Variants in MAP4K4 observed in about 807,000 individuals in gnomAD.
The protein encoded by MAP4K4 is HPK/GCK-like kinase HGK.
In MAP4K4, 38 loss-of-function variants were observed where a neutral mutation model predicts 189.6. That is an observed-to-expected ratio of 0.20 (90% CI 0.15 to 0.26). MAP4K4 has a LOEUF of 0.26. MAP4K4 is among the 10% of genes least tolerant of loss of function. The pLI, the probability that MAP4K4 is intolerant of heterozygous loss-of-function variation, is 1.00. For missense variants in MAP4K4, 1,054 were observed against 1,726.9 expected (o/e 0.61, Z 6.91); for synonymous variants, 610 against 624.3 (o/e 0.98, Z 0.34).
At chr2:101,839,697 A>T (rs1482104084) in intron 9 of MAP4K4, 122 bp from the exon 10 acceptor site, 15 of 710,818 alleles carry the variant, frequency 2.1e-5, no homozygotes, top group Non-Finnish European at 3.5e-5. Context: ...ATTCCTATGC[A>T]TTTGCAGAAT....
rs568180092 is a variant in MAP4K4 at position 101,819,647 on chromosome 2, G to A, written c.181-4281G>A. On this transcript the variant is annotated intron_variant, in intron 3 of 32. Transcript: ENST00000324219. ...TTGTAGTTATTTTTGTATGCTTCCA[G>A]GATTTGACTATTTCAGACCTGGGAA... Among the ~76,000 whole-genome samples, 6 of 152,284 alleles carry A rather than the reference G, an allele frequency of 3.9e-5. No individual in the cohort carries two copies. The South Asian group carries it at 1.2e-3, about 32-fold the overall frequency.
At chr2:101,857,607 C>T (rs2149800239) in intron 13 of MAP4K4, among the ~76,000 whole-genome samples, 1 of 152,270 alleles carries the variant, frequency 6.6e-6, no homozygotes, top group African/African-American at 2.4e-5. Flanking sequence ...GTAGGTATTG[C>T]TGTAGCATGT....
exon 13 of MAP4K4, chr2:101,856,121 A>G (rs1349910399): frequency 6.4e-7 from 1 of 1,551,244 alleles, no homozygotes; most frequent in Non-Finnish European, 8.7e-7. Context: ...AGAAAAGAGG[A>G]GAGTTGAAAG....
chr2:101,794,311 A>C (rs774517026), intron 3 of MAP4K4, among the ~76,000 whole-genome samples: 64 of 152,236 alleles, frequency 4.2e-4, no homozygotes, highest in Non-Finnish European at 5.7e-4. Context: ...TTATAACTTA[A>C]GTACATGCAC....
intron 2 of MAP4K4, among the ~76,000 whole-genome samples, chr2:101,733,934 G>T (rs1008157639): frequency 6.6e-6 from 1 of 152,164 alleles, no homozygotes; most frequent in Non-Finnish European, 1.5e-5. Flanking sequence ...CCACAGCCTG[G>T]CCACAGCAGT....
chr2:101,797,736 T>C lies in MAP4K4; in HGVS notation c.180+6960T>C, dbSNP rs2093873312. Among the ~76,000 whole-genome samples, 5 of 152,106 alleles carry C rather than the reference T, an allele frequency of 3.3e-5. No homozygotes were observed. The South Asian group carries it at 1.0e-3, about 32-fold the overall frequency. Reference sequence around the variant, plus strand: ...GCTCTTAAAATCAGTTAAAATCAACTACATTTTATTTAATTATTGATTTAT... The same window carrying C: ...GCTCTTAAAATCAGTTAAAATCAACCACATTTTATTTAATTATTGATTTAT... On this transcript the variant is annotated intron_variant, in intron 3 of 32. Coordinates refer to ENST00000324219, the Ensembl canonical transcript of MAP4K4.
intron 24 of MAP4K4, among the ~76,000 whole-genome samples, chr2:101,872,643 C>T (rs2098078991): frequency 4.6e-5 from 7 of 152,166 alleles, no homozygotes; most frequent in Admixed American, 4.6e-4. Context: ...ACAGGCTTGG[C>T]ATCGGCTAGA....
chr2:101,829,461 T>C (rs776569328), intron 5 of MAP4K4, 43 bp from the exon 6 acceptor site: 3 of 1,331,548 alleles, frequency 2.3e-6, no homozygotes, highest in Admixed American at 1.9e-5. Context: ...TGTTTACTTA[T>C]AGTCACAGAA....
chr2:101,886,468 GT>G (rs2098483781), intron 29 of MAP4K4, among the ~76,000 whole-genome samples: 2 of 152,188 alleles, frequency 1.3e-5, no homozygotes, highest in African/African-American at 4.8e-5. Flanking sequence ...CATTTGAATA[GT>G]TGAGTAGCAT....
chr2:101,878,292 C>A (rs376995903), intron 27 of MAP4K4, among the ~76,000 whole-genome samples: 1 of 152,152 alleles, frequency 6.6e-6, no homozygotes, highest in Non-Finnish European at 1.5e-5. Flanking sequence ...CACCCAAGTA[C>A]TAACTATAAC....
In MAP4K4 at chr2:101,743,140, G is replaced by C. The variant is rs537918603; in HGVS notation, c.123+44602G>C. 2.0e-5 allele frequency among the ~76,000 whole-genome samples: 3 copies of C among 152,234 alleles called. No homozygotes were observed. The East Asian group carries it at 5.8e-4, about 29-fold the overall frequency. ...GTTAGGGATGTGTGAGCAGAAGGTAGGTTAACCACATGTTAACATACCTTG... is the reference window on the plus strand; with the variant it reads ...GTTAGGGATGTGTGAGCAGAAGGTACGTTAACCACATGTTAACATACCTTG... On this transcript the variant is annotated intron_variant, in intron 2 of 32. Transcript: ENST00000324219.
chr2:101,828,205 G>T (rs866833615), intron 5 of MAP4K4, among the ~76,000 whole-genome samples: 12 of 152,166 alleles, frequency 7.9e-5, no homozygotes, highest in African/African-American at 2.9e-4. Context: ...GACAAGATGT[G>T]GGTGCTTATG....
intron 2 of MAP4K4, among the ~76,000 whole-genome samples, chr2:101,785,900 C>G (rs1469523226): frequency 6.6e-6 from 1 of 151,996 alleles, no homozygotes; most frequent in Non-Finnish European, 1.5e-5. Flanking sequence ...TCTTGGCTCA[C>G]TGCAACCTCT....
chr2:101,856,912 G>A (rs1003122332), intron 13 of MAP4K4, among the ~76,000 whole-genome samples: 3 of 152,142 alleles, frequency 2.0e-5, no homozygotes, highest in African/African-American at 7.2e-5. Flanking sequence ...TTCAGCTGCC[G>A]TCCTTTATGC....
At chr2:101,772,046 T>C (rs2081713640) in intron 2 of MAP4K4, among the ~76,000 whole-genome samples, 1 of 152,234 alleles carries the variant, frequency 6.6e-6, no homozygotes, top group African/African-American at 2.4e-5. Context: ...GTAAGCCCTA[T>C]TGTCCCTGTG....
intron 13 of MAP4K4, 88 bp downstream of exon 13, chr2:101,856,226 G>A: frequency 7.8e-7 from 1 of 1,284,662 alleles, no homozygotes; most frequent in Non-Finnish European, 1.1e-6. Flanking sequence ...ATACACACAT[G>A]TGATGCATAC....
intron 2 of MAP4K4, among the ~76,000 whole-genome samples, chr2:101,730,600 C>T (rs2057997004): frequency 6.6e-6 from 1 of 152,188 alleles, no homozygotes; most frequent in African/African-American, 2.4e-5. Context: ...CCCAGCAGCA[C>T]TGGACAGGTG....
chr2:101,778,304 G>A (rs544716046), intron 2 of MAP4K4, among the ~76,000 whole-genome samples: 45 of 152,324 alleles, frequency 3.0e-4, no homozygotes, highest in African/African-American at 1.1e-3. Flanking sequence ...TCACCTCTGC[G>A]TGTCTCTGAT....
intron 2 of MAP4K4, among the ~76,000 whole-genome samples, chr2:101,747,789 CTA>C (rs958294582): frequency 1.3e-5 from 2 of 152,114 alleles, no homozygotes; most frequent in African/African-American, 4.8e-5. Flanking sequence ...CATTTTAATA[CTA>C]TGTCTAGTTT....
Sources: allele counts gnomAD v4.1 joint callset (sites outside exome capture counted in the v4.1 genomes callset), GRCh38; gene constraint gnomAD v4.1.1; transcripts MANE v1.5; gene names NCBI Gene and HGNC (gene_info 2026-07-23, HGNC 2026-07-21).